CHRM3: variants seen among roughly 807,000 people sequenced by gnomAD.
CHRM3 encodes muscarinic acetylcholine receptor M3.
Under a neutral mutation model 41.8 loss-of-function variants are expected in CHRM3, and 11 were observed. The observed-to-expected ratio is 0.26, with a 90% CI of 0.17 to 0.44. The LOEUF is 0.44. CHRM3 is among the 20% of genes least tolerant of loss of function. The pLI is 1.00. For synonymous variants in CHRM3, 297 were observed against 301.4 expected (o/e 0.99, Z 0.15); for missense variants, 571 against 745.4 (o/e 0.77, Z 2.72).
At chr1:239,838,124 T>G (rs1272973646) in intron 6 of CHRM3, among the ~76,000 whole-genome samples, 1 of 152,146 alleles carries the variant, frequency 6.6e-6, no homozygotes, top group Non-Finnish European at 1.5e-5. Context: ...GATAACATTC[T>G]AAGTGGTGGA....
intron 3 of CHRM3, among the ~76,000 whole-genome samples, chr1:239,576,630 A>G (rs1444085126): frequency 2.0e-5 from 3 of 150,300 alleles, no homozygotes; most frequent in Non-Finnish European, 4.4e-5. Context: ...ACAACAAACA[A>G]ACAAATCAGC....
Position 239,689,005 on chromosome 1 carries a change from T to C in CHRM3, c.-147+10717T>C, listed in dbSNP as rs12064365. Among the ~76,000 whole-genome samples the C allele has an allele frequency of 3.7e-3, 562 of 150,688 alleles. 6 individuals are homozygous for C. Among genetic ancestry groups the C allele is most frequent in the African/African-American group, 0.013 (546 of 41,188 alleles). On this transcript the variant is annotated intron_variant, in intron 5 of 6. Transcript: ENST00000676153. ...ATATACAATGAAAGTGTATATGACT[T>C]TGGCTTGCAGTATTATGATAAATTC... is the stretch of plus-strand genomic sequence containing the variant.
intron 6 of CHRM3, among the ~76,000 whole-genome samples, chr1:239,843,788 T>C (rs1674035299): frequency 6.6e-6 from 1 of 152,136 alleles, no homozygotes; most frequent in African/African-American, 2.4e-5. Context: ...AGTTTCTCTT[T>C]CAATAGATCC....
chr1:239,557,552 G>T (rs1218469711), intron 3 of CHRM3, among the ~76,000 whole-genome samples: 3 of 152,096 alleles, frequency 2.0e-5, no homozygotes, highest in Non-Finnish European at 4.4e-5. Context: ...TGCGTGGCAT[G>T]GTGCTTTGCT....
chr1:239,788,706 C>T (rs1669106541), intron 5 of CHRM3, among the ~76,000 whole-genome samples: 1 of 151,854 alleles, frequency 6.6e-6, no homozygotes, highest in South Asian at 2.1e-4. Flanking sequence ...GCAGAGGTTG[C>T]AGTGAGCTGA....
intron 5 of CHRM3, among the ~76,000 whole-genome samples, chr1:239,738,259 A>C (rs1020989394): frequency 6.6e-6 from 1 of 152,062 alleles, no homozygotes; most frequent in Non-Finnish European, 1.5e-5. Context: ...CTCCCTGATA[A>C]CCCCATGCCC....
At chr1:239,466,247 G>A (rs1370532695) in intron 1 of CHRM3, among the ~76,000 whole-genome samples, 2 of 151,910 alleles carry the variant, frequency 1.3e-5, no homozygotes, top group African/African-American at 2.4e-5. Context: ...CACCTGCCTC[G>A]GCTTCCCAAA....
intron 4 of CHRM3, among the ~76,000 whole-genome samples, chr1:239,656,224 A>G (rs1459668337): frequency 6.6e-6 from 1 of 152,162 alleles, no homozygotes. Context: ...TTTGGTTAAC[A>G]GGATCATTAG....
At chr1:239,822,679 T>C (rs1672149231) in intron 5 of CHRM3, among the ~76,000 whole-genome samples, 1 of 152,212 alleles carries the variant, frequency 6.6e-6, no homozygotes, top group Non-Finnish European at 1.5e-5. Flanking sequence ...AAATTCCTTT[T>C]ATTTAATCCC....
chr1:239,658,802 G>T (rs546518761), intron 4 of CHRM3, among the ~76,000 whole-genome samples: 3 of 151,414 alleles, frequency 2.0e-5, no homozygotes, highest in Non-Finnish European at 4.4e-5. Context: ...GCAGTGGTGC[G>T]ATCTTGGCTC....
chr1:239,842,151 T>C (rs1380684331), intron 6 of CHRM3, among the ~76,000 whole-genome samples: 2 of 152,032 alleles, frequency 1.3e-5, no homozygotes, highest in Non-Finnish European at 2.9e-5. Context: ...AGTCCTATGG[T>C]AATTTCATAT....
Position 239,913,455 on chromosome 1 carries a change from C to T in CHRM3, c.*4231C>T, listed in dbSNP as rs146394747. The T allele has an allele frequency of 9.0e-5, 15 of 167,086 alleles. No individual in the cohort carries two copies. The highest frequency in any genetic ancestry group is 2.9e-4 in the African/African-American group (12 of 41,540). 10.4% of individuals were successfully genotyped at this position (167,086 alleles called of 1,614,324 possible). The stretch of plus-strand genomic sequence containing the variant: ...TTATTTAGACAGTATCAACTCTAGC[C>T]CTTAATAGGTTCAAGGACAAGTTTA... On this transcript the variant is annotated 3_prime_UTR_variant, in exon 7 of 7. Transcript: ENST00000676153.
At chr1:239,759,792 T>C (rs1453787107) in intron 5 of CHRM3, among the ~76,000 whole-genome samples, 1 of 152,228 alleles carries the variant, frequency 6.6e-6, no homozygotes, top group Non-Finnish European at 1.5e-5. Flanking sequence ...GCTTATTTAA[T>C]TAAGGAGTAA....
chr1:239,455,439 G>A (rs932684663), intron 1 of CHRM3, among the ~76,000 whole-genome samples: 4 of 151,940 alleles, frequency 2.6e-5, no homozygotes, highest in Admixed American at 1.3e-4. Flanking sequence ...ATTATCATAA[G>A]AGATGACAGT....
chr1:239,488,694 G>C (rs1667347270), intron 1 of CHRM3, among the ~76,000 whole-genome samples: 1 of 110,554 alleles, frequency 9.0e-6, no homozygotes, highest in Non-Finnish European at 1.7e-5. Context: ...CAGCCTGGAT[G>C]ACAGAGCGAG....
intron 6 of CHRM3, among the ~76,000 whole-genome samples, chr1:239,842,900 G>C (rs1673938189): frequency 6.6e-6 from 1 of 152,122 alleles, no homozygotes; most frequent in Non-Finnish European, 1.5e-5. Context: ...GATCACCAGG[G>C]TCCTACATGG....
intron 6 of CHRM3, among the ~76,000 whole-genome samples, chr1:239,903,523 C>T (rs983138284): frequency 2.0e-5 from 3 of 152,180 alleles, no homozygotes; most frequent in African/African-American, 4.8e-5. Flanking sequence ...AAAGACAGAA[C>T]ACCTTTTAGT....
intron 5 of CHRM3, among the ~76,000 whole-genome samples, chr1:239,765,475 C>G (rs1160032499): frequency 6.6e-6 from 1 of 152,222 alleles, no homozygotes; most frequent in East Asian, 1.9e-4. Context: ...GAAACCTATG[C>G]AGACTTTATT....
intron 1 of CHRM3, among the ~76,000 whole-genome samples, chr1:239,472,371 C>T (rs892863668): frequency 1.3e-5 from 2 of 152,118 alleles, no homozygotes; most frequent in African/African-American, 2.4e-5. Flanking sequence ...TCTTTCCTTC[C>T]TGTAGCCACA....
Sources: gnomAD v4.1 joint callset for allele counts (sites outside exome capture counted in the v4.1 genomes callset) on GRCh38, gnomAD v4.1.1 for gene constraint, MANE v1.5 for transcripts, NCBI Gene and HGNC (gene_info 2026-07-23, HGNC 2026-07-21) for gene names.